GFPT2: variants seen among roughly 807,000 people sequenced by gnomAD.
GFPT2 encodes the protein glutamine--fructose-6-phosphate aminotransferase [isomerizing] 2.
In GFPT2, 62 loss-of-function variants were observed where a neutral mutation model predicts 85.6. That is an observed-to-expected ratio of 0.72 (90% CI 0.59 to 0.90). GFPT2 has a LOEUF of 0.90. Among genes scored for constraint, GFPT2 ranks in the 40% least tolerant of loss-of-function variants. The probability of loss-of-function intolerance (pLI) is 0.00; values close to 1 mark genes in which losing one functional copy is unlikely to be tolerated. For missense variants in GFPT2, 788 were observed against 893.4 expected (o/e 0.88, Z 1.50); for synonymous variants, 368 against 344.5 (o/e 1.07, Z -0.75).
intron 1 of GFPT2, among the ~76,000 whole-genome samples, chr5:180,340,184 G>GT (rs200520087): frequency 0.14 from 20,673 of 147,054 alleles, 1,756 homozygotes; most frequent in East Asian, 0.19. Context: ...CTCTCTGGAG[G>GT]TTTTTTTTTT....
intron 16 of GFPT2, among the ~76,000 whole-genome samples, chr5:180,306,847 G>A (rs1763790993): frequency 6.6e-6 from 1 of 152,196 alleles, no homozygotes; most frequent in South Asian, 2.1e-4. Flanking sequence ...CAACCTCTCA[G>A]AAGCAGCTCA....
rs1763759827 is a variant in GFPT2, at chr5:180,305,560, T to C, written c.1675-621A>G. On this transcript the variant is annotated intron_variant, in intron 16 of 18. Coordinates refer to ENST00000253778, the MANE Select transcript of GFPT2 (RefSeq NM_005110.4). ...GCTGATTTAGGTCAGGGCCACACTG[T>C]AAGGAGTGCGGCTCCAGTCTGGAGG... is the stretch of plus-strand genomic sequence containing the variant. Among the ~76,000 whole-genome samples the C allele has an allele frequency of 2.6e-5, 4 of 152,328 alleles. No homozygotes were observed. In the South Asian group the frequency reaches 8.3e-4, roughly 32 times the overall value.
At chr5:180,313,448 G>A (rs1763934343) in intron 14 of GFPT2, among the ~76,000 whole-genome samples, 1 of 145,792 alleles carries the variant, frequency 6.9e-6, no homozygotes, top group Non-Finnish European at 1.5e-5. Context: ...AAAATGAGCC[G>A]GGTGTGGGGC....
intron 8 of GFPT2, 74 bp downstream of exon 8, chr5:180,324,742 G>T: frequency 2.1e-6 from 2 of 964,040 alleles, no homozygotes; most frequent in South Asian, 2.6e-5. Context: ...GAGGGGAGCT[G>T]ACTGTGCCAG....
At chr5:180,333,645 T>A (rs551380314) in intron 4 of GFPT2, among the ~76,000 whole-genome samples, 1 of 152,372 alleles carries the variant, frequency 6.6e-6, no homozygotes, top group South Asian at 2.1e-4. Context: ...CTCTGCAGAA[T>A]CTTTGTGTAA....
chr5:180,336,061 C>T (rs981544461), intron 3 of GFPT2, 108 bp from the exon 4 acceptor site: 2 of 1,062,908 alleles, frequency 1.9e-6, no homozygotes, highest in African/African-American at 1.6e-5. Context: ...ACACCGATGG[C>T]ACCTCCCCAC....
intron 3 of GFPT2, chr5:180,336,219 A>G (rs373117666): frequency 3.1e-5 from 18 of 579,048 alleles, no homozygotes; most frequent in African/African-American, 2.4e-4. Context: ...ACAGAGAAGC[A>G]GTATCATTTG....
chr5:180,309,707 T>C (rs922986818), intron 15 of GFPT2, among the ~76,000 whole-genome samples: 4 of 151,508 alleles, frequency 2.6e-5, no homozygotes, highest in African/African-American at 7.3e-5. Context: ...CCACCACGCC[T>C]GGCCCCAGTA....
At chr5:180,316,254 G>T in intron 13 of GFPT2, 87 bp downstream of exon 13, 2 of 1,344,950 alleles carry the variant, frequency 1.5e-6, no homozygotes, top group Non-Finnish European at 2.1e-6. Context: ...GGGTAGCCAT[G>T]CAGAGGACTT....
At chr5:180,311,019 T>C (rs1311721491) in intron 15 of GFPT2, among the ~76,000 whole-genome samples, 6 of 152,174 alleles carry the variant, frequency 3.9e-5, no homozygotes, top group Non-Finnish European at 1.5e-5. Flanking sequence ...AAAGGAAGAA[T>C]GCTTTTCTCA....
rs542322544 is a variant in GFPT2 at position 180,306,765 on chromosome 5, C to T, written c.1674+411G>A. Among the ~76,000 whole-genome samples, 26 of 152,310 alleles carry T rather than the reference C, an allele frequency of 1.7e-4. No homozygotes were observed. In the South Asian group the frequency reaches 3.3e-3, roughly 19 times the overall value. ...ACTCAGGTCTGATTCGGGTCCCCTA[C>T]GTCATCTTGAGTGAGATACTTAAGC... On this transcript the variant is annotated intron_variant, in intron 16 of 18. Transcript: ENST00000253778.
intron 14 of GFPT2, 101 bp downstream of exon 14, chr5:180,313,706 A>C (rs959954631): frequency 1.1e-5 from 11 of 985,214 alleles, no homozygotes; most frequent in Non-Finnish European, 1.6e-5. Context: ...AAGGGGAAAG[A>C]AAGGCGGTGG....
At chr5:180,335,996 C>A (rs201468883) in intron 3 of GFPT2, 43 bp from the exon 4 acceptor site, 52 of 1,538,404 alleles carry the variant, frequency 3.4e-5, no homozygotes, top group Non-Finnish European at 7.8e-6. Flanking sequence ...GAACAACAAG[C>A]CTCGACCCAG....
chr5:180,322,967 G>A (rs570620194), intron 9 of GFPT2, among the ~76,000 whole-genome samples: 39 of 150,534 alleles, frequency 2.6e-4, no homozygotes, highest in Middle Eastern at 6.9e-3. Context: ...CCCAGGAGGC[G>A]GAGCTTGCAG....
At chr5:180,305,073 T>C (rs1325257820) in intron 16 of GFPT2, 134 bp from the exon 17 acceptor site, 1 of 687,494 alleles carries the variant, frequency 1.5e-6, no homozygotes, top group African/African-American at 1.8e-5. Flanking sequence ...GGCAGACAGA[T>C]GCCTGGAGTG....
chr5:180,330,659 G>A lies in GFPT2; in HGVS notation c.534+41C>T, dbSNP rs1202647309. The A allele has an allele frequency of 3.3e-6, 5 of 1,532,606 alleles. No homozygotes were observed. Among genetic ancestry groups the A allele is most frequent in the Admixed American group, 1.8e-5 (1 of 54,764 alleles). The allele number at this position is 1,532,606 out of a possible 1,614,324, so 94.9% of individuals were successfully genotyped here. ...CTTGAAAAAAATGTTTTTAATGAAA[G>A]AATGAAGGAATGAGTTAGACAGATG... is the stretch of plus-strand genomic sequence containing the variant. On this transcript the variant is annotated intron_variant, in intron 6 of 18. Coordinates refer to ENST00000253778, the MANE Select transcript of GFPT2 (RefSeq NM_005110.4). This position sits in a 1 kb window ranked among gnomAD's most constrained non-coding sequence, Gnocchi z 4.4.
intron 4 of GFPT2, chr5:180,331,758 C>A: frequency 1.7e-6 from 1 of 594,936 alleles, no homozygotes. Context: ...ATGTCTAGGG[C>A]AGCGGCTACT....
intron 3 of GFPT2, 195 bp downstream of exon 3, chr5:180,336,284 C>T: frequency 9.8e-6 from 6 of 614,658 alleles, no homozygotes; most frequent in South Asian, 9.7e-5. Context: ...AAAAAATTAT[C>T]CATGCGCCGC....
Position 180,324,744 on chromosome 5 carries a change from C to T in GFPT2, c.676+72G>A. The T allele has an allele frequency of 3.1e-6, 3 of 982,056 alleles. No homozygotes were observed. In the South Asian group the frequency reaches 3.8e-5, roughly 13 times the overall value. The allele number at this position is 982,056 out of a possible 1,614,324, so 60.8% of individuals were successfully genotyped here. Reference sequence around the variant, plus strand: ...TTTCCTTGCCTCAGAGGGGAGCTGACTGTGCCAGAGCAGCTGCCGAGTCCT... The same window carrying T: ...TTTCCTTGCCTCAGAGGGGAGCTGATTGTGCCAGAGCAGCTGCCGAGTCCT... On this transcript the variant is annotated intron_variant, in intron 8 of 18. Transcript: ENST00000253778.
Sources: allele counts gnomAD v4.1 joint callset (sites outside exome capture counted in the v4.1 genomes callset), GRCh38; gene constraint gnomAD v4.1.1; non-coding constraint Gnocchi (gnomAD v3.1); transcripts MANE v1.5; gene names NCBI Gene and HGNC (gene_info 2026-07-23, HGNC 2026-07-21).